The following HTR1F variants were observed in gnomAD, a reference collection of about 807,000 sequenced individuals.
The protein encoded by HTR1F is 5-hydroxytryptamine receptor 1F, also known as 5-hydroxytryptamine (serotonin) receptor 1F, G protein-coupled.
HTR1F carries 17 observed loss-of-function variants against 24.0 expected under a neutral mutation model. The ratio of observed to expected loss-of-function variants is 0.71; its 90% CI spans 0.48 to 1.06. The LOEUF (loss-of-function observed/expected upper bound fraction) is 1.06, where lower values mean the gene tolerates loss of function less well. Among genes scored for constraint, HTR1F ranks in the 50% least tolerant of loss-of-function variants. HTR1F has a pLI of 0.00. For missense variants in HTR1F, 391 were observed against 427.8 expected (o/e 0.91, Z 0.76); for synonymous variants, 186 against 156.8 (o/e 1.19, Z -1.39).
At chr3:87,962,643 C>A (rs1021278554) in intron 2 of HTR1F, among the ~76,000 whole-genome samples, 2 of 151,952 alleles carry the variant, frequency 1.3e-5, no homozygotes, top group African/African-American at 2.4e-5. Context: ...ATCAGAAATT[C>A]ATTTGAAAAC....
intron 2 of HTR1F, among the ~76,000 whole-genome samples, chr3:87,948,631 C>T (rs1228688547): frequency 2.0e-5 from 3 of 151,942 alleles, no homozygotes; most frequent in Non-Finnish European, 4.4e-5. Context: ...ACTACAGGCT[C>T]ATACCAAAAT....
intron 1 of HTR1F, among the ~76,000 whole-genome samples, chr3:87,794,311 C>T (rs377153262): frequency 6.6e-6 from 1 of 152,172 alleles, no homozygotes; most frequent in Non-Finnish European, 1.5e-5. Context: ...TTCGTGCCTT[C>T]CCTAAGGAAA....
At chr3:87,916,761 C>A (rs1379333329) in intron 2 of HTR1F, among the ~76,000 whole-genome samples, 1 of 151,436 alleles carries the variant, frequency 6.6e-6, no homozygotes, top group East Asian at 1.9e-4. Context: ...GAGATAGCAG[C>A]ACAATAATAC....
intron 2 of HTR1F, among the ~76,000 whole-genome samples, chr3:87,884,766 G>A (rs1025832919): frequency 5.3e-5 from 8 of 152,098 alleles, no homozygotes; most frequent in Non-Finnish European, 1.0e-4. Context: ...ATTACATAAT[G>A]GTAAAGGGAT....
At chr3:87,916,934 C>G (rs1293245234) in intron 2 of HTR1F, among the ~76,000 whole-genome samples, 3 of 152,072 alleles carry the variant, frequency 2.0e-5, no homozygotes, top group Admixed American at 6.6e-5. Context: ...GCACATGGAA[C>G]TTTCTCCAAG....
chr3:87,971,917 G>T (rs892301200), intron 2 of HTR1F, among the ~76,000 whole-genome samples: 1 of 152,048 alleles, frequency 6.6e-6, no homozygotes, highest in Non-Finnish European at 1.5e-5. Flanking sequence ...TCTACCACAT[G>T]CAAATATACT....
rs557656165 is a variant in HTR1F, at chr3:87,993,621, G to T, written c.*1771G>T. On this transcript the variant is annotated 3_prime_UTR_variant, in exon 3 of 3. Coordinates refer to ENST00000319595, the MANE Select transcript of HTR1F (RefSeq NM_001322209.2). Reference sequence around the variant, plus strand: ...AACATCAGGATACAAACTGCACCATGCAAGTATTTGGTGGGGCATGTTCAT... The same window carrying T: ...AACATCAGGATACAAACTGCACCATTCAAGTATTTGGTGGGGCATGTTCAT... The T allele has an allele frequency of 2.3e-3, 378 of 167,142 alleles. 2 individuals are homozygous for T. The highest frequency in any genetic ancestry group is 4.1e-3 in the Non-Finnish European group (278 of 68,116). The allele number at this position is 167,142 out of a possible 1,614,324, so 10.4% of individuals were successfully genotyped here.
In HTR1F at chr3:87,991,948, TA is replaced by T. The variant is rs1373206266; in HGVS notation, c.*99del. 7 of 1,025,758 alleles carry T rather than the reference TA, an allele frequency of 6.8e-6. No individual in the cohort carries two copies. Among genetic ancestry groups the T allele is most frequent in the Middle Eastern group, 3.2e-4 (1 of 3,104 alleles). The allele number at this position is 1,025,758 out of a possible 1,614,324, so 63.5% of individuals were successfully genotyped here. A position where few individuals can be genotyped will look rare whatever the true frequency, so the allele number is the denominator to read the frequency against. On this transcript the variant is annotated 3_prime_UTR_variant, in exon 3 of 3. Transcript: ENST00000319595. ...AAACACTTAAGCTTTTAGAGGGAAA[TA>T]CATGAAAACTGCTAAATTGATAAGG... is the stretch of plus-strand genomic sequence containing the variant.
At chr3:87,982,491 G>A (rs1441994002) in intron 2 of HTR1F, among the ~76,000 whole-genome samples, 3 of 152,186 alleles carry the variant, frequency 2.0e-5, no homozygotes, top group Non-Finnish European at 4.4e-5. Flanking sequence ...TGGACTAAAA[G>A]GGAAAGAGCT....
intron 2 of HTR1F, among the ~76,000 whole-genome samples, chr3:87,838,519 ATTAC>A (rs915287017): frequency 6.6e-6 from 1 of 152,068 alleles, no homozygotes; most frequent in African/African-American, 2.4e-5. Flanking sequence ...TTTTTTTTAT[ATTAC>A]TTAACATAAT....
intron 2 of HTR1F, among the ~76,000 whole-genome samples, chr3:87,850,385 ACTCATAGG>A (rs1162572859): frequency 5.9e-5 from 9 of 151,800 alleles, no homozygotes; most frequent in Admixed American, 5.9e-4. Flanking sequence ...GCATGTTCTC[ACTCATAGG>A]TCGGAATTGA....
chr3:87,904,385 A>C (rs1434787224), intron 2 of HTR1F, among the ~76,000 whole-genome samples: 1 of 152,158 alleles, frequency 6.6e-6, no homozygotes, highest in Non-Finnish European at 1.5e-5. Flanking sequence ...ACTTAATAGA[A>C]ATGTGTACAT....
intron 2 of HTR1F, among the ~76,000 whole-genome samples, chr3:87,930,310 C>T (rs1190091633): frequency 2.0e-5 from 3 of 152,132 alleles, no homozygotes; most frequent in African/African-American, 7.2e-5. Flanking sequence ...TCCAGGACTT[C>T]CAATACTATG....
chr3:87,863,752 C>T (rs1299752295), intron 2 of HTR1F, among the ~76,000 whole-genome samples: 1 of 152,142 alleles, frequency 6.6e-6, no homozygotes, highest in African/African-American at 2.4e-5. Context: ...ACAGTAGCAG[C>T]CCACTGCCAG....
chr3:87,937,188 T>C (rs1347890729), intron 2 of HTR1F, among the ~76,000 whole-genome samples: 4 of 151,324 alleles, frequency 2.6e-5, no homozygotes, highest in Non-Finnish European at 2.9e-5. Flanking sequence ...AGAGAAAACT[T>C]CAAGCCAATA....
intron 2 of HTR1F, among the ~76,000 whole-genome samples, chr3:87,934,329 C>G (rs76741667): frequency 3.7e-4 from 57 of 152,138 alleles, no homozygotes; most frequent in African/African-American, 1.3e-3. Flanking sequence ...CACCTTAATC[C>G]TGTCATATCA....
chr3:87,819,332 A>G (rs1258847706), intron 1 of HTR1F, among the ~76,000 whole-genome samples: 2 of 149,690 alleles, frequency 1.3e-5, no homozygotes, highest in African/African-American at 2.6e-5. Context: ...CCATTGTTAT[A>G]CAATAAGATT....
chr3:87,973,230 C>T (rs974899610), intron 2 of HTR1F, among the ~76,000 whole-genome samples: 3 of 152,154 alleles, frequency 2.0e-5, no homozygotes, highest in African/African-American at 7.2e-5. Flanking sequence ...TATTCTGCTT[C>T]ATCTTCGGTC....
intron 2 of HTR1F, among the ~76,000 whole-genome samples, chr3:87,862,065 CCT>C (rs889600756): frequency 2.0e-5 from 3 of 152,026 alleles, no homozygotes; most frequent in African/African-American, 7.2e-5. Flanking sequence ...GGAAAAATAA[CCT>C]CTTATATTTA....
Sources: gnomAD v4.1 joint callset for allele counts (sites outside exome capture counted in the v4.1 genomes callset) on GRCh38, gnomAD v4.1.1 for gene constraint, MANE v1.5 for transcripts, NCBI Gene and HGNC (gene_info 2026-07-23, HGNC 2026-07-21) for gene names.